Variants in LRRC7 observed in about 807,000 individuals in gnomAD.
LRRC7 encodes leucine rich repeat containing 7.
In LRRC7, 23 loss-of-function variants were observed where a neutral mutation model predicts 175.7. The observed-to-expected ratio is 0.13, with a 90% CI of 0.09 to 0.19. The LOEUF (loss-of-function observed/expected upper bound fraction) is 0.19. LRRC7 is among the 10% of genes least tolerant of loss of function. The pLI, the probability that LRRC7 is intolerant of heterozygous loss-of-function variation, is 1.00. For synonymous variants in LRRC7, 685 were observed against 680.9 expected, an observed-to-expected ratio of 1.01 and a Z score of -0.09; for missense variants, 1,354 against 1,904.7, an observed-to-expected ratio of 0.71 and a Z score of 5.38.
intron 1 of LRRC7, among the ~76,000 whole-genome samples, chr1:69,652,357 CA>C (rs1655973869): frequency 6.6e-6 from 1 of 151,920 alleles, no homozygotes; most frequent in Admixed American, 6.6e-5. Context: ...ATGAATAATT[CA>C]AAAAGGAAAT....
Position 70,021,141 on chromosome 1 carries a change from A to G in LRRC7, c.1545+12A>G. 1.2e-6 allele frequency: 2 copies of G among 1,605,842 alleles called. No homozygotes were observed. Among genetic ancestry groups the G allele is most frequent in the Non-Finnish European group, 1.7e-6 (2 of 1,176,020 alleles). ...CTGGGAAAGTTAAGGTGAACCTTTTAGCTTTTGTTTCCTCTTTCTTCTCCT... is the reference window on the plus strand; with the variant it reads ...CTGGGAAAGTTAAGGTGAACCTTTTGGCTTTTGTTTCCTCTTTCTTCTCCT... On this transcript the variant is annotated intron_variant, in intron 16 of 26. Transcript: ENST00000651989.
chr1:69,869,205 G>C (rs1310175324), intron 7 of LRRC7, among the ~76,000 whole-genome samples: 1 of 152,038 alleles, frequency 6.6e-6, no homozygotes, highest in African/African-American at 2.4e-5. Context: ...AATAATCATG[G>C]AATCATGGCA....
At chr1:69,813,612 C>A (rs1163613982) in intron 4 of LRRC7, among the ~76,000 whole-genome samples, 1 of 152,084 alleles carries the variant, frequency 6.6e-6, no homozygotes, top group Non-Finnish European at 1.5e-5. Flanking sequence ...ATTAAATATA[C>A]CATTTTGCCT....
At chr1:69,916,712 T>G (rs1275660802) in intron 7 of LRRC7, among the ~76,000 whole-genome samples, 3 of 152,132 alleles carry the variant, frequency 2.0e-5, no homozygotes, top group Non-Finnish European at 4.4e-5. Context: ...TTCATGCCTG[T>G]GTAAATGTCT....
At chr1:69,843,890 C>A (rs1682021362) in intron 7 of LRRC7, among the ~76,000 whole-genome samples, 1 of 152,018 alleles carries the variant, frequency 6.6e-6, no homozygotes, top group Non-Finnish European at 1.5e-5. Flanking sequence ...TGAACCGGTT[C>A]TTTTGCTATA....
intron 4 of LRRC7, among the ~76,000 whole-genome samples, chr1:69,817,856 T>C (rs1312533871): frequency 6.6e-6 from 1 of 152,172 alleles, no homozygotes; most frequent in African/African-American, 2.4e-5. Flanking sequence ...GTTAAATTTA[T>C]TTCTAAGTGT....
chr1:69,752,427 G>T (rs936386708), intron 2 of LRRC7, among the ~76,000 whole-genome samples: 9 of 152,116 alleles, frequency 5.9e-5, no homozygotes, highest in African/African-American at 2.2e-4. Flanking sequence ...ATTAGGCAAG[G>T]ATAACATAAA....
intron 7 of LRRC7, among the ~76,000 whole-genome samples, chr1:69,895,778 A>G (rs910323346): frequency 4.6e-5 from 7 of 152,218 alleles, no homozygotes; most frequent in Non-Finnish European, 1.0e-4. Context: ...GTTTTTATTG[A>G]TGAATAATAT....
chr1:69,720,177 AT>A (rs904239764), intron 2 of LRRC7, among the ~76,000 whole-genome samples: 4 of 151,328 alleles, frequency 2.6e-5, no homozygotes, highest in East Asian at 1.9e-4. Flanking sequence ...ACCTACTTAT[AT>A]TTTTTTCTCT....
chr1:69,789,774 G>A (rs1401280339), intron 3 of LRRC7, among the ~76,000 whole-genome samples: 1 of 151,982 alleles, frequency 6.6e-6, no homozygotes, highest in Non-Finnish European at 1.5e-5. Flanking sequence ...GAAGAAACAG[G>A]TTGATACCAA....
At chr1:69,768,056 A>T (rs1312114801) in intron 3 of LRRC7, among the ~76,000 whole-genome samples, 1 of 152,150 alleles carries the variant, frequency 6.6e-6, no homozygotes, top group Non-Finnish European at 1.5e-5. Flanking sequence ...TGAAACACCG[A>T]TCATTCAATA....
intron 2 of LRRC7, among the ~76,000 whole-genome samples, chr1:69,738,943 C>T (rs1441268594): frequency 6.6e-6 from 1 of 151,958 alleles, no homozygotes; most frequent in Non-Finnish European, 1.5e-5. Context: ...AGTGAGAAAC[C>T]CCTTAAAGAG....
chr1:70,070,537 T>C (rs1288915416), intron 23 of LRRC7, among the ~76,000 whole-genome samples: 2 of 152,192 alleles, frequency 1.3e-5, no homozygotes, highest in African/African-American at 2.4e-5. Context: ...TTTTATATTA[T>C]GTTATAAAAC....
At chr1:69,810,454 C>T (rs1327195602) in intron 4 of LRRC7, among the ~76,000 whole-genome samples, 1 of 151,976 alleles carries the variant, frequency 6.6e-6, no homozygotes, top group Non-Finnish European at 1.5e-5. Context: ...AAAAAGAGCC[C>T]ACATAGCCAA....
chr1:69,631,377 A>G (rs1228640022), intron 1 of LRRC7, among the ~76,000 whole-genome samples: 1 of 152,028 alleles, frequency 6.6e-6, no homozygotes, highest in African/African-American at 2.4e-5. Flanking sequence ...CTTGAACTCA[A>G]ATCATCTCAT....
intron 2 of LRRC7, among the ~76,000 whole-genome samples, chr1:69,750,086 A>AAATC (rs1293866942): frequency 8.0e-6 from 1 of 125,144 alleles, no homozygotes; most frequent in Non-Finnish European, 1.6e-5. Flanking sequence ...ATAAATAAAT[A>AAATC]AATAAATAAT....
intron 23 of LRRC7, among the ~76,000 whole-genome samples, chr1:70,057,423 A>G (rs1661237394): frequency 6.6e-6 from 1 of 152,228 alleles, no homozygotes; most frequent in South Asian, 2.1e-4. Flanking sequence ...GACATTTTTA[A>G]AAGTTAATAT....
intron 6 of LRRC7, among the ~76,000 whole-genome samples, chr1:69,835,517 G>A (rs1469247783): frequency 2.0e-5 from 3 of 151,942 alleles, no homozygotes; most frequent in Non-Finnish European, 4.4e-5. Context: ...AGACTGTTAT[G>A]TTCCAACATA....
intron 3 of LRRC7, among the ~76,000 whole-genome samples, chr1:69,783,753 CAA>C (rs10712087): frequency 0.07 from 5,833 of 83,698 alleles, 56 homozygotes; most frequent in South Asian, 0.14. Context: ...CTCCCCATCT[CAA>C]AAAAAAAAAA....
Sources: gnomAD v4.1 joint callset for allele counts (sites outside exome capture counted in the v4.1 genomes callset) on GRCh38, gnomAD v4.1.1 for gene constraint, MANE v1.5 for transcripts, NCBI Gene and HGNC (gene_info 2026-07-23, HGNC 2026-07-21) for gene names.